The following SPHKAP variants were observed in gnomAD, a reference collection of about 807,000 sequenced individuals.
SPHKAP encodes SPHK1 interactor, AKAP domain containing.
In SPHKAP, 67 loss-of-function variants were observed where a neutral mutation model predicts 137.5. The ratio of observed to expected loss-of-function variants is 0.49; its 90% CI spans 0.40 to 0.60. SPHKAP has a LOEUF of 0.60. SPHKAP is among the 20% of genes least tolerant of loss of function. SPHKAP has a pLI of 0.00. For synonymous variants in SPHKAP, 813 were observed against 785.3 expected, an observed-to-expected ratio of 1.04 and a Z score of -0.59; for missense variants, 2,097 against 2,069.3, an observed-to-expected ratio of 1.01 and a Z score of -0.26.
intron 7 of SPHKAP, 63 bp from the exon 8 acceptor site, chr2:227,995,757 A>G: frequency 2.1e-6 from 3 of 1,450,866 alleles, no homozygotes; most frequent in Non-Finnish European, 1.8e-6. Flanking sequence ...CAGAAACTTC[A>G]CAGAGCCACT....
intron 3 of SPHKAP, among the ~76,000 whole-genome samples, chr2:228,084,207 A>G (rs1697465691): frequency 6.6e-6 from 1 of 152,206 alleles, no homozygotes; most frequent in South Asian, 2.1e-4. Context: ...GAATGACTGG[A>G]AAATCCAAGC....
intron 8 of SPHKAP, chr2:227,993,909 TA>T (rs1693522088): frequency 3.1e-6 from 1 of 326,940 alleles, no homozygotes; most frequent in Non-Finnish European, 4.4e-6. Flanking sequence ...AGATCACACC[TA>T]GGGGGTAACA....
At chr2:228,131,369 G>C (rs923885418) in intron 2 of SPHKAP, 2 of 923,064 alleles carry the variant, frequency 2.2e-6, no homozygotes, top group African/African-American at 3.6e-5. Context: ...CCAGGATCGT[G>C]GACATTCTAC....
chr2:228,177,636 C>T (rs1360637559), intron 1 of SPHKAP, among the ~76,000 whole-genome samples: 3 of 152,000 alleles, frequency 2.0e-5, no homozygotes, highest in Admixed American at 1.3e-4. Context: ...GATCATAGTC[C>T]AGTATACAGT....
At chr2:228,152,726 T>G (rs557446339) in intron 1 of SPHKAP, among the ~76,000 whole-genome samples, 2 of 152,104 alleles carry the variant, frequency 1.3e-5, no homozygotes, top group East Asian at 3.9e-4. Flanking sequence ...CTTCTTTTTT[T>G]TTTTTAGTAG....
chr2:228,084,109 A>G (rs74412496), intron 3 of SPHKAP, among the ~76,000 whole-genome samples: 3 of 144,592 alleles, frequency 2.1e-5, no homozygotes, highest in Admixed American at 6.9e-5. Flanking sequence ...AAAGAAGAAG[A>G]AAAAAAAAAA....
chr2:228,020,578 G>A (rs1694804103), intron 6 of SPHKAP, among the ~76,000 whole-genome samples: 1 of 152,132 alleles, frequency 6.6e-6, no homozygotes, highest in Non-Finnish European at 1.5e-5. Flanking sequence ...TTGGCGGGGG[G>A]AGTGGGGAGG....
chr2:228,094,457 A>C (rs1343525159), intron 3 of SPHKAP, among the ~76,000 whole-genome samples: 3 of 152,174 alleles, frequency 2.0e-5, no homozygotes, highest in Admixed American at 2.0e-4. Context: ...GAATAGAAAA[A>C]CACTTGTACA....
chr2:228,014,136 T>C (rs1361980666), intron 7 of SPHKAP, among the ~76,000 whole-genome samples: 3 of 152,228 alleles, frequency 2.0e-5, no homozygotes, highest in Non-Finnish European at 4.4e-5. Context: ...TCAGTGACAA[T>C]TGCTATTTGA....
At chr2:228,159,527 G>A (rs1700212366) in intron 1 of SPHKAP, among the ~76,000 whole-genome samples, 1 of 152,170 alleles carries the variant, frequency 6.6e-6, no homozygotes, top group South Asian at 2.1e-4. Flanking sequence ...GCATTTCAAG[G>A]AGGTGGCTCC....
At position 227,980,702 on chromosome 2, in the gene SPHKAP, TA is replaced by T. The variant is rs1692964026; in HGVS notation, c.*1014del. On this transcript the variant is annotated 3_prime_UTR_variant, in exon 12 of 12. Transcript: ENST00000392056. ...GACCATTACCCTGCTTCTGTCATTA[TA>T]AATGTCACTGGAGCGGCATGTCTGC... 6.6e-6 allele frequency: 1 copy of T among 152,198 alleles called. No homozygotes were observed. The highest frequency in any genetic ancestry group is 2.4e-5 in the African/African-American group (1 of 41,460). 9.4% of individuals were successfully genotyped at this position (152,198 alleles called of 1,614,324 possible).
intron 3 of SPHKAP, among the ~76,000 whole-genome samples, chr2:228,038,719 A>T (rs899900559): frequency 7.2e-5 from 11 of 152,192 alleles, no homozygotes; most frequent in Non-Finnish European, 1.5e-4. Context: ...CCTGTCCATC[A>T]CTGGATTCCC....
intron 1 of SPHKAP, among the ~76,000 whole-genome samples, chr2:228,179,899 G>C (rs747500889): frequency 2.6e-5 from 4 of 152,284 alleles, no homozygotes; most frequent in African/African-American, 9.6e-5. Flanking sequence ...CCGGATTAAA[G>C]CAATCAATCT....
intron 3 of SPHKAP, among the ~76,000 whole-genome samples, chr2:228,057,113 T>C (rs973205434): frequency 2.6e-5 from 4 of 152,222 alleles, no homozygotes; most frequent in African/African-American, 9.6e-5. Context: ...AGTTCTCTTC[T>C]ATACCACGAA....
chr2:228,088,219 G>A (rs1308714468), intron 3 of SPHKAP, among the ~76,000 whole-genome samples: 1 of 151,814 alleles, frequency 6.6e-6, no homozygotes, highest in African/African-American at 2.4e-5. Context: ...TCTTTAATAG[G>A]CATAAAATTA....
Position 228,016,563 on chromosome 2 carries a change from T to C in SPHKAP, c.4291A>G (p.Ile1431Val), listed in dbSNP as rs767125740. Reference sequence around the variant, plus strand: ...CAGGCTTCTCTCTGATCTGTTTCAATCTGAATCAAAGGCACTTCCCTCGAG... The same window carrying C: ...CAGGCTTCTCTCTGATCTGTTTCAACCTGAATCAAAGGCACTTCCCTCGAG... The part of the protein sequence containing the change: ...LCSREVPLIQ[I>V]ETDQREACAG... Residue 1431 changes from isoleucine (I) to valine (V), a missense_variant, in exon 7 of 12, where the codon ATT (isoleucine) becomes GTT (valine). Transcript: ENST00000392056. 1.2e-6 allele frequency: 2 copies of C among 1,614,136 alleles called. No individual in the cohort carries two copies. The highest frequency in any genetic ancestry group is 2.2e-5 in the East Asian group (1 of 44,874).
chr2:228,052,507 G>T (rs1194719328), intron 3 of SPHKAP, among the ~76,000 whole-genome samples: 1 of 152,142 alleles, frequency 6.6e-6, no homozygotes, highest in African/African-American at 2.4e-5. Context: ...CAATAGCAGT[G>T]CTGGAAGCCA....
intron 3 of SPHKAP, among the ~76,000 whole-genome samples, chr2:228,100,259 T>C (rs191323781): frequency 8.7e-4 from 133 of 152,354 alleles, no homozygotes; most frequent in Non-Finnish European, 1.6e-3. Flanking sequence ...TTTCTAGGTA[T>C]AGAATCATAT....
At chr2:228,013,484 A>T (rs1694462667) in intron 7 of SPHKAP, among the ~76,000 whole-genome samples, 1 of 152,110 alleles carries the variant, frequency 6.6e-6, no homozygotes, top group Non-Finnish European at 1.5e-5. Context: ...TGACCTCGTG[A>T]TCCATCTGCC....
Sources: gnomAD v4.1 joint callset for allele counts (sites outside exome capture counted in the v4.1 genomes callset) on GRCh38, gnomAD v4.1.1 for gene constraint, MANE v1.5 for transcripts, NCBI Gene and HGNC (gene_info 2026-07-23, HGNC 2026-07-21) for gene names.